Variants in ZC3H4 observed in about 807,000 individuals in gnomAD.
The protein encoded by ZC3H4 is zinc finger CCCH-type containing 4, also known as zinc finger CCCH domain-containing protein 4.
Under a neutral mutation model 108.3 loss-of-function variants are expected in ZC3H4, and 13 were observed. That is an observed-to-expected ratio of 0.12 (90% CI 0.08 to 0.19). ZC3H4 has a LOEUF of 0.19. Among genes scored for constraint, ZC3H4 ranks in the 10% least tolerant of loss-of-function variants. The probability of loss-of-function intolerance (pLI) is 1.00; values close to 1 mark genes in which losing one functional copy is unlikely to be tolerated. For synonymous variants in ZC3H4, 917 were observed against 749.6 expected, an observed-to-expected ratio of 1.22 and a Z score of -3.65; for missense variants, 1,734 against 1,838.8, an observed-to-expected ratio of 0.94 and a Z score of 1.04.
intron 2 of ZC3H4, among the ~76,000 whole-genome samples, chr19:47,105,276 T>C (rs927293799): frequency 6.6e-6 from 1 of 152,170 alleles, no homozygotes; most frequent in Non-Finnish European, 1.5e-5. Flanking sequence ...ACTGATGATA[T>C]AAATGAATGA....
intron 2 of ZC3H4, chr19:47,111,072 T>C (rs969745754): frequency 3.0e-5 from 7 of 229,758 alleles, no homozygotes; most frequent in Non-Finnish European, 3.6e-5. Context: ...CCTCAGCGGC[T>C]CCCCAGCCAG....
chr19:47,112,082 C>G (rs961002679), intron 2 of ZC3H4: 3 of 1,010,126 alleles, frequency 3.0e-6, no homozygotes, highest in Non-Finnish European at 3.6e-6. Context: ...TCCGCAGCAC[C>G]CCCCACGGCG....
Position 47,066,844 on chromosome 19 carries a change from C to T in ZC3H4, c.3424G>A (p.Val1142Met), listed in dbSNP as rs2057212648. 6.3e-7 allele frequency: 1 copy of T among 1,599,366 alleles called. No homozygotes were observed. Among genetic ancestry groups the T allele is most frequent in the Non-Finnish European group, 8.5e-7 (1 of 1,179,322 alleles). ...GQGGGGGQSS[V>M]LSGISLYDPR... ...TCGTAGAGGCTGATACCGCTCAGCA[C>T]ACTGCTCTGCCCGCCCCCTCCGCCC... Residue 1142 changes from valine (V) to methionine (M), a missense_variant, in exon 15 of 15, where the codon GTG becomes ATG. By Grantham distance (21) the Val-to-Met change is conservative. This residue lies in a region of ZC3H4 where 518 missense variants were observed against 499.6 expected (regional missense o/e 1.04). Coordinates refer to ENST00000253048, the MANE Select transcript of ZC3H4 (RefSeq NM_015168.2).
At chr19:47,108,043 C>T (rs2057989649) in intron 2 of ZC3H4, among the ~76,000 whole-genome samples, 1 of 152,222 alleles carries the variant, frequency 6.6e-6, no homozygotes, top group South Asian at 2.1e-4. Context: ...AAACTGGCTT[C>T]ATACCATGTT....
At chr19:47,071,087 G>C (rs2122707835) in intron 13 of ZC3H4, among the ~76,000 whole-genome samples, 1 of 152,284 alleles carries the variant, frequency 6.6e-6, no homozygotes, top group East Asian at 1.9e-4. Flanking sequence ...TCCCCACTGA[G>C]GCACTGAGCC....
At position 47,089,958 on chromosome 19, in the gene ZC3H4, A is replaced by G. The variant is rs2057701680; in HGVS notation, c.715+9T>C. On this transcript the variant is annotated intron_variant, in intron 5 of 14. Transcript: ENST00000253048. ...GCCCCAGAGGAGAAACTGTAAGGGC[A>G]GGGCTCACCTCGGCCGCGGCTGCTG... 1.2e-6 allele frequency: 2 copies of G among 1,613,862 alleles called. No homozygotes were observed. Among genetic ancestry groups the G allele is most frequent in the Non-Finnish European group, 1.7e-6 (2 of 1,179,996 alleles).
intron 9 of ZC3H4, 93 bp downstream of exon 9, chr19:47,084,252 C>T (rs2057575025): frequency 6.5e-6 from 8 of 1,221,912 alleles, no homozygotes; most frequent in Non-Finnish European, 9.5e-6. Flanking sequence ...TCACTCCCAC[C>T]CACCCTCACC....
In ZC3H4 at chr19:47,093,861, C is replaced by T. The variant is rs906634596; in HGVS notation, c.492+109G>A. 3.8e-5 allele frequency: 34 copies of T among 883,340 alleles called. No homozygotes were observed. The South Asian group carries it at 5.5e-4, about 14-fold the overall frequency. 54.7% of individuals were successfully genotyped at this position (883,340 alleles called of 1,614,324 possible). Reference sequence around the variant, plus strand: ...GGGATTAAATTAATACCTGATGGCCCAGGACTGAAACTCACAAAAAATGCC... The same window carrying T: ...GGGATTAAATTAATACCTGATGGCCTAGGACTGAAACTCACAAAAAATGCC... On this transcript the variant is annotated intron_variant, in intron 4 of 14. Transcript: ENST00000253048.
chr19:47,071,155 G>A (rs1195700533), intron 13 of ZC3H4, among the ~76,000 whole-genome samples: 3 of 150,772 alleles, frequency 2.0e-5, no homozygotes, highest in Non-Finnish European at 4.4e-5. Flanking sequence ...AATGCTGAAA[G>A]GAGCCAACTC....
chr19:47,067,571 G>A lies in ZC3H4; in HGVS notation c.2697C>T (p.Ser899=), dbSNP rs1163892349. 1 of 1,604,272 alleles carries A rather than the reference G, an allele frequency of 6.2e-7. No individual in the cohort carries two copies. The highest frequency in any genetic ancestry group is 8.5e-7 in the Non-Finnish European group (1 of 1,175,586). ...DPRLARALPT[S]KPEGSLHSSP... Reference sequence around the variant, plus strand: ...TGGAATGAAGGCTGCCTTCGGGCTTGGAGGTGGGCAGGGCGCGAGCCAGCC... The same window carrying A: ...TGGAATGAAGGCTGCCTTCGGGCTTAGAGGTGGGCAGGGCGCGAGCCAGCC... Residue 899 remains serine (S), a synonymous_variant, in exon 15 of 15, where the codon TCC becomes TCT. Transcript: ENST00000253048. This position sits in a 1 kb window ranked among gnomAD's most constrained non-coding sequence, Gnocchi z 6.4.
At chr19:47,075,290 G>C (rs1035770696) in intron 11 of ZC3H4, among the ~76,000 whole-genome samples, 3 of 152,160 alleles carry the variant, frequency 2.0e-5, no homozygotes, top group Non-Finnish European at 4.4e-5. Flanking sequence ...CCCTTTGAGC[G>C]TGGGCACCAC....
At chr19:47,109,776 G>C (rs2058014502) in intron 2 of ZC3H4, among the ~76,000 whole-genome samples, 1 of 152,198 alleles carries the variant, frequency 6.6e-6, no homozygotes, top group African/African-American at 2.4e-5. Context: ...GGTTCTTTTG[G>C]AGAGGGCCAG....
At position 47,080,111 on chromosome 19, in the gene ZC3H4, C is replaced by T. The variant is rs924682086; in HGVS notation, c.1440+1402G>A. ...GATGTGCTGATGCCTTGATCCTTTC[C>T]ACTGTCAAAAAAAATAGCCAATCTC... On this transcript the variant is annotated intron_variant, in intron 11 of 14. Coordinates refer to ENST00000253048, the MANE Select transcript of ZC3H4 (RefSeq NM_015168.2). Among the ~76,000 whole-genome samples the T allele has an allele frequency of 2.6e-5, 4 of 152,016 alleles. No homozygotes were observed. The South Asian group carries it at 8.3e-4, about 31-fold the overall frequency.
chr19:47,067,282 G>T lies in ZC3H4; in HGVS notation c.2986C>A (p.Pro996Thr). ...PLPIPKQDAV[P>T]PVPAALQSMP... Reference sequence around the variant, plus strand: ...GATTGCAGGGCCGCGGGCACGGGGGGCACTGCGTCCTGCTTGGGGATGGGT... The same window carrying T: ...GATTGCAGGGCCGCGGGCACGGGGGTCACTGCGTCCTGCTTGGGGATGGGT... Residue 996 changes from proline (P) to threonine (T), a missense_variant, in exon 15 of 15, where the codon CCC (proline) becomes ACC (threonine). By Grantham distance (38) the Pro-to-Thr change is conservative. This residue lies in a region of ZC3H4 where 518 missense variants were observed against 499.6 expected (regional missense o/e 1.04). Coordinates refer to ENST00000253048, the MANE Select transcript of ZC3H4 (RefSeq NM_015168.2). This position sits in a 1 kb window ranked among gnomAD's most constrained non-coding sequence, Gnocchi z 6.4. The T allele has an allele frequency of 6.3e-7, 1 of 1,589,584 alleles. No homozygotes were observed. The highest frequency in any genetic ancestry group is 8.6e-7 in the Non-Finnish European group (1 of 1,167,442).
intron 8 of ZC3H4, 33 bp downstream of exon 8, chr19:47,085,023 C>T: frequency 2.5e-6 from 4 of 1,611,624 alleles, no homozygotes; most frequent in East Asian, 2.2e-5. Flanking sequence ...GGGACCTTGG[C>T]CCAAACATCA....
chr19:47,071,665 G>C (rs2057327538), intron 13 of ZC3H4, 113 bp downstream of exon 13: 1 of 1,121,688 alleles, frequency 8.9e-7, no homozygotes, highest in Admixed American at 2.8e-5. Context: ...GACAGAGATG[G>C]AGTCATGCTT....
intron 2 of ZC3H4, among the ~76,000 whole-genome samples, chr19:47,098,033 C>T (rs2057850715): frequency 6.6e-6 from 1 of 152,194 alleles, no homozygotes; most frequent in Non-Finnish European, 1.5e-5. Context: ...CCCCGTACCT[C>T]CCGGACAAAG....
rs748032073 is a variant in ZC3H4 at position 47,066,706 on chromosome 19, G to C, written c.3562C>G (p.Pro1188Ala). 1.9e-6 allele frequency: 3 copies of C among 1,609,008 alleles called. No homozygotes were observed. The highest frequency in any genetic ancestry group is 2.5e-6 in the Non-Finnish European group (3 of 1,178,788). The change falls in exon 15 of 15, where the codon CCC becomes GCC. Residue 1188 changes from proline (P) to alanine (A), a missense_variant. Transcript: ENST00000253048. ...AGGGCAGACTTGCGGACGAACGGGG[G>C]CTCCTTAGCCTTGGAGGCCGAGCTC... ...GKSSASKAKE[P>A]PFVRKSALEQ...
chr19:47,096,851 GATC>G, intron 2 of ZC3H4: 1 of 985,438 alleles, frequency 1.0e-6, no homozygotes, highest in Non-Finnish European at 1.2e-6. Context: ...GCAGGTGCCT[GATC>G]ATCAGGGCTG....
Sources: gnomAD v4.1 joint callset for allele counts (sites outside exome capture counted in the v4.1 genomes callset) on GRCh38, gnomAD v4.1.1 for gene constraint, gnomAD v4.1.1 regional missense constraint, Gnocchi (gnomAD v3.1) non-coding constraint, MANE v1.5 for transcripts, NCBI Gene and HGNC (gene_info 2026-07-23, HGNC 2026-07-21) for gene names.